Variants in KCNJ3 observed in about 807,000 individuals in gnomAD.
The protein encoded by KCNJ3 is potassium inwardly rectifying channel subfamily J member 3.
A neutral mutation model predicts 39.2 loss-of-function variants in KCNJ3; 4 were observed. That is an observed-to-expected ratio of 0.10 (90% CI 0.05 to 0.23). The LOEUF (loss-of-function observed/expected upper bound fraction) is 0.23, where lower values mean the gene tolerates loss of function less well. Among genes scored for constraint, KCNJ3 ranks in the 10% least tolerant of loss-of-function variants. KCNJ3 has a pLI of 1.00. For missense variants in KCNJ3, 276 were observed against 634.9 expected, an observed-to-expected ratio of 0.43 and a Z score of 6.08; for synonymous variants, 230 against 237.4, an observed-to-expected ratio of 0.97 and a Z score of 0.29.
intron 2 of KCNJ3, among the ~76,000 whole-genome samples, chr2:154,776,961 C>T (rs1339992600): frequency 2.0e-5 from 3 of 152,090 alleles, no homozygotes; most frequent in African/African-American, 7.2e-5. Context: ...ATACCAGGCA[C>T]ACTCCATTTC....
At position 154,701,613 on chromosome 2, in the gene KCNJ3, T is replaced by C. The variant is rs549520141; in HGVS notation, c.702+2136T>C. ...ATAAAGAGTATCCTAGTTAAAAAGATGAAAGATGTATAGTGTCGACAAATT... is the reference window on the plus strand; with the variant it reads ...ATAAAGAGTATCCTAGTTAAAAAGACGAAAGATGTATAGTGTCGACAAATT... On this transcript the variant is annotated intron_variant, in intron 1 of 2. Transcript: ENST00000295101. Among the ~76,000 whole-genome samples, 5 of 152,194 alleles carry C rather than the reference T, an allele frequency of 3.3e-5. No homozygotes were observed. The East Asian group carries it at 9.6e-4, about 29-fold the overall frequency.
chr2:154,750,446 A>C (rs1685819519), intron 2 of KCNJ3, among the ~76,000 whole-genome samples: 1 of 152,084 alleles, frequency 6.6e-6, no homozygotes, highest in Admixed American at 6.6e-5. Context: ...TTGTTCCCTA[A>C]TGCAACGGTA....
At chr2:154,834,654 G>C (rs1687418329) in intron 2 of KCNJ3, among the ~76,000 whole-genome samples, 1 of 144,374 alleles carries the variant, frequency 6.9e-6, no homozygotes, top group Non-Finnish European at 1.6e-5. Flanking sequence ...GCGTGAACCT[G>C]GGAGGCGGAG....
At chr2:154,829,786 C>T (rs1344041572) in intron 2 of KCNJ3, among the ~76,000 whole-genome samples, 1 of 152,072 alleles carries the variant, frequency 6.6e-6, no homozygotes, top group Non-Finnish European at 1.5e-5. Context: ...ATAAGAAATA[C>T]TAATAATAAC....
chr2:154,782,134 C>A (rs770231563), intron 2 of KCNJ3, among the ~76,000 whole-genome samples: 1 of 152,066 alleles, frequency 6.6e-6, no homozygotes, highest in South Asian at 2.1e-4. Context: ...ATTAGGAAGT[C>A]TTAATGAGTG....
At chr2:154,817,599 T>C (rs1687105220) in intron 2 of KCNJ3, among the ~76,000 whole-genome samples, 1 of 152,212 alleles carries the variant, frequency 6.6e-6, no homozygotes, top group African/African-American at 2.4e-5. Context: ...GGTTATCTAA[T>C]CAACCTACCT....
rs1687873822 is a variant in KCNJ3 at position 154,858,088 on chromosome 2, A to C, written c.*2775A>C. On this transcript the variant is annotated 3_prime_UTR_variant, in exon 3 of 3. Coordinates refer to ENST00000295101, the MANE Select transcript of KCNJ3 (RefSeq NM_002239.4). Reference sequence around the variant, plus strand: ...AAATTACCTTATCTGAGTGAATGGTATTTTTTTTATCTTTTCCACACATGC... The same window carrying C: ...AAATTACCTTATCTGAGTGAATGGTCTTTTTTTTATCTTTTCCACACATGC... 6.6e-6 allele frequency: 1 copy of C among 151,404 alleles called. No homozygotes were observed. The highest frequency in any genetic ancestry group is 6.6e-5 in the Admixed American group (1 of 15,180). 9.4% of individuals were successfully genotyped at this position (151,404 alleles called of 1,614,324 possible).
chr2:154,782,498 C>T (rs1014024030), intron 2 of KCNJ3, among the ~76,000 whole-genome samples: 5 of 149,510 alleles, frequency 3.3e-5, no homozygotes, highest in African/African-American at 1.2e-4. Flanking sequence ...TAATACCATA[C>T]ATATTTATAT....
chr2:154,845,674 T>G (rs1160770901), intron 2 of KCNJ3, among the ~76,000 whole-genome samples: 1 of 152,020 alleles, frequency 6.6e-6, no homozygotes, highest in Admixed American at 6.6e-5. Context: ...TAATAATCAG[T>G]TGAAAGTGAA....
chr2:154,784,232 A>G (rs1558873319), intron 2 of KCNJ3, among the ~76,000 whole-genome samples: 1 of 152,226 alleles, frequency 6.6e-6, no homozygotes, highest in East Asian at 1.9e-4. Context: ...GCAAAATTGG[A>G]CAAAATTTAG....
At chr2:154,777,165 T>A (rs904054571) in intron 2 of KCNJ3, among the ~76,000 whole-genome samples, 1 of 152,190 alleles carries the variant, frequency 6.6e-6, no homozygotes, top group African/African-American at 2.4e-5. Flanking sequence ...TGCACATACA[T>A]GAAAACATTT....
At chr2:154,728,999 C>A (rs1383151800) in intron 2 of KCNJ3, among the ~76,000 whole-genome samples, 1 of 152,096 alleles carries the variant, frequency 6.6e-6, no homozygotes, top group Non-Finnish European at 1.5e-5. Context: ...TCATCAAAAT[C>A]ATTAACATCA....
At chr2:154,825,602 G>T (rs1030866598) in intron 2 of KCNJ3, among the ~76,000 whole-genome samples, 2 of 150,724 alleles carry the variant, frequency 1.3e-5, no homozygotes, top group African/African-American at 2.4e-5. Context: ...TTGAGACAAG[G>T]TCTTGCTCTG....
chr2:154,812,348 T>C (rs1443049934), intron 2 of KCNJ3, among the ~76,000 whole-genome samples: 1 of 152,136 alleles, frequency 6.6e-6, no homozygotes, highest in Non-Finnish European at 1.5e-5. Flanking sequence ...TGCCTTGTCA[T>C]GGTGTGTAGG....
At chr2:154,801,513 T>TTTTCTTTCTTTCCTTCTTTCCTTC (rs1558877712) in intron 2 of KCNJ3, among the ~76,000 whole-genome samples, 4 of 151,714 alleles carry the variant, frequency 2.6e-5, no homozygotes, top group Non-Finnish European at 5.9e-5. Context: ...TTTTCTTTTC[T>TTTTCTTTCTTTCCTTCTTTCCTTC]TTTCTTTCTT....
chr2:154,817,919 C>T (rs549562093), intron 2 of KCNJ3, among the ~76,000 whole-genome samples: 13 of 151,966 alleles, frequency 8.6e-5, no homozygotes, highest in Non-Finnish European at 1.6e-4. Context: ...TCAATAAAAA[C>T]GTGTCCAACG....
chr2:154,791,055 G>A (rs1686620057), intron 2 of KCNJ3, among the ~76,000 whole-genome samples: 1 of 152,080 alleles, frequency 6.6e-6, no homozygotes, highest in South Asian at 2.1e-4. Flanking sequence ...TTTGGAGGAG[G>A]TGAGGAAGAA....
intron 2 of KCNJ3, among the ~76,000 whole-genome samples, chr2:154,782,299 A>G (rs191301786): frequency 1.9e-4 from 29 of 152,280 alleles, no homozygotes; most frequent in Admixed American, 1.5e-3. Flanking sequence ...TAAAATGGGG[A>G]TAATAATAAT....
chr2:154,739,115 G>T (rs1018506305), intron 2 of KCNJ3, among the ~76,000 whole-genome samples: 1 of 152,040 alleles, frequency 6.6e-6, no homozygotes, highest in African/African-American at 2.4e-5. Context: ...GGGGTGGGTA[G>T]ATCCTCAGGT....
Sources: allele counts gnomAD v4.1 joint callset (sites outside exome capture counted in the v4.1 genomes callset), GRCh38; gene constraint gnomAD v4.1.1; transcripts MANE v1.5; gene names NCBI Gene and HGNC (gene_info 2026-07-23, HGNC 2026-07-21).